Variants in CASR observed in about 807,000 individuals in gnomAD.
CASR encodes extracellular calcium-sensing receptor.
Under a neutral mutation model 69.1 loss-of-function variants are expected in CASR, and 23 were observed. The observed-to-expected ratio is 0.33, with a 90% confidence interval of 0.24 to 0.47. The LOEUF (loss-of-function observed/expected upper bound fraction) is 0.47, where lower values mean the gene tolerates loss of function less well. Among genes scored for constraint, CASR ranks in the 20% least tolerant of loss-of-function variants. The pLI is 1.00. For missense variants in CASR, 924 were observed against 1,356.1 expected (o/e 0.68, Z 5.00); for synonymous variants, 541 against 544.7 (o/e 0.99, Z 0.10).
At position 122,205,363 on chromosome 3, in the gene CASR, C is replaced by T. The variant is rs142813826; in HGVS notation, c.-243+21551C>T. ...TTTCCCCATTGTATGTTTGTGGCAC[C>T]TTTATCAAAGCTGACTTGGCTGTAA... On this transcript the variant is annotated intron_variant, in intron 1 of 6. Coordinates refer to ENST00000639785, the MANE Select transcript of CASR (RefSeq NM_000388.4). Among the ~76,000 whole-genome samples, 280 of 152,118 alleles carry T rather than the reference C, an allele frequency of 1.8e-3. 2 individuals carry two copies. The highest frequency in any genetic ancestry group is 2.6e-3 in the Non-Finnish European group (176 of 67,914).
In CASR at chr3:122,286,588, A is replaced by C. The variant is rs868607822; in HGVS notation, c.*1397A>C. The C allele has an allele frequency of 6.6e-6, 1 of 152,222 alleles. No homozygotes were observed. The highest frequency in any genetic ancestry group is 1.5e-5 in the Non-Finnish European group (1 of 68,030). 9.4% of individuals were successfully genotyped at this position (152,222 alleles called of 1,614,324 possible). A position where few individuals can be genotyped will look rare whatever the true frequency, so the allele number is the denominator to read the frequency against. On this transcript the variant is annotated 3_prime_UTR_variant, in exon 7 of 7. Coordinates refer to ENST00000639785, the MANE Select transcript of CASR (RefSeq NM_000388.4). ...TCAGATTGTACTGCCTAGCCCACTG[A>C]TCACAATCACTCTCTCTGTAATAAG...
At chr3:122,240,229 C>T (rs2074367564) in intron 1 of CASR, among the ~76,000 whole-genome samples, 1 of 152,108 alleles carries the variant, frequency 6.6e-6, no homozygotes, top group African/African-American at 2.4e-5. Context: ...GGAGAGAGTG[C>T]CATGACATGT....
intron 1 of CASR, among the ~76,000 whole-genome samples, chr3:122,210,594 A>G (rs4678120): frequency 6.6e-6 from 1 of 151,902 alleles, no homozygotes; most frequent in Admixed American, 6.5e-5. Context: ...AGAGAGGACA[A>G]AAACAAATAT....
intron 4 of CASR, among the ~76,000 whole-genome samples, chr3:122,270,004 G>C (rs6783855): frequency 0.18 from 27,049 of 151,942 alleles, 2,789 homozygotes; most frequent in African/African-American, 0.26. Context: ...ACCACCACCA[G>C]CTAATTTTTG....
intron 1 of CASR, among the ~76,000 whole-genome samples, chr3:122,186,631 C>G (rs1048549284): frequency 6.6e-6 from 1 of 152,250 alleles, no homozygotes; most frequent in African/African-American, 2.4e-5. Context: ...TAAATATTGA[C>G]TATATGTTAT....
At chr3:122,184,890 G>A (rs915421895) in intron 1 of CASR, among the ~76,000 whole-genome samples, 5 of 152,208 alleles carry the variant, frequency 3.3e-5, no homozygotes, top group Non-Finnish European at 7.3e-5. Flanking sequence ...CAAGGGGACA[G>A]GTAGCTTTTA....
Position 122,266,875 on chromosome 3 carries a change from G to A in CASR, c.1377+4463G>A, listed in dbSNP as rs966335691. Among the ~76,000 whole-genome samples the A allele has an allele frequency of 4.6e-5, 7 of 152,080 alleles. No individual in the cohort carries two copies. In the East Asian group the frequency reaches 7.7e-4, roughly 17 times the overall value. The stretch of plus-strand genomic sequence containing the variant: ...AAAAATTAGCCGGGTGTGGTGGCAG[G>A]CACCTGTAGTCCCAGCTGCTCAGGA... On this transcript the variant is annotated intron_variant, in intron 4 of 6. Transcript: ENST00000639785.
chr3:122,207,313 CT>C (rs1198416166), intron 1 of CASR, among the ~76,000 whole-genome samples: 2 of 152,012 alleles, frequency 1.3e-5, no homozygotes. Context: ...CACAACACAC[CT>C]AATAGGCCTA....
intron 3 of CASR, among the ~76,000 whole-genome samples, chr3:122,258,358 CTTTTTT>C (rs34570632): frequency 8.7e-6 from 1 of 115,224 alleles, no homozygotes; most frequent in Non-Finnish European, 1.8e-5. Flanking sequence ...GGGAGGGCTC[CTTTTTT>C]TTTTTTTTTT....
chr3:122,243,496 T>A (rs2074397916), intron 1 of CASR, among the ~76,000 whole-genome samples: 1 of 152,068 alleles, frequency 6.6e-6, no homozygotes, highest in Non-Finnish European at 1.5e-5. Flanking sequence ...CCAGTTAAAA[T>A]GGCTTTTATC....
rs984519481 is a variant in CASR, at chr3:122,290,179, C to T, written c.*4988C>T. On this transcript the variant is annotated 3_prime_UTR_variant, in exon 7 of 7. Transcript: ENST00000639785. ...GCTCCCTGCCTCTAAAATGTGGGCA[C>T]CTGGGTAACTAGATAGCGCAGGAAG... 3.3e-5 allele frequency: 5 copies of T among 151,652 alleles called. No homozygotes were observed. Among genetic ancestry groups the T allele is most frequent in the African/African-American group, 1.2e-4 (5 of 41,246 alleles). The allele number at this position is 151,652 out of a possible 1,614,324, so 9.4% of individuals were successfully genotyped here.
chr3:122,236,693 C>A (rs2074332145), intron 1 of CASR, among the ~76,000 whole-genome samples: 1 of 152,162 alleles, frequency 6.6e-6, no homozygotes, highest in Non-Finnish European at 1.5e-5. Context: ...CTTGAAATCT[C>A]CAGTGGGACG....
Position 122,221,283 on chromosome 3 carries a change from C to T in CASR, c.-242-32665C>T, listed in dbSNP as rs1014864513. Among the ~76,000 whole-genome samples the T allele has an allele frequency of 1.0e-3, 158 of 152,236 alleles. 1 individual carries two copies. The highest frequency in any genetic ancestry group is 2.5e-4 in the Non-Finnish European group (17 of 68,012). On this transcript the variant is annotated intron_variant, in intron 1 of 6. Coordinates refer to ENST00000639785, the MANE Select transcript of CASR (RefSeq NM_000388.4). ...AGATTACCATTCATTTTCTTTTCCCCTCACCCCCTTCCTTGGAGAACCATC... is the reference window on the plus strand; with the variant it reads ...AGATTACCATTCATTTTCTTTTCCCTTCACCCCCTTCCTTGGAGAACCATC...
intron 1 of CASR, among the ~76,000 whole-genome samples, chr3:122,232,208 G>A (rs4336054): frequency 0.9 from 137,252 of 152,188 alleles, 62,338 homozygotes; most frequent in Admixed American, 0.93. Flanking sequence ...GGCTTGAAGT[G>A]AAGCAGCCAT....
At chr3:122,187,298 C>G (rs550120919) in intron 1 of CASR, among the ~76,000 whole-genome samples, 1 of 152,260 alleles carries the variant, frequency 6.6e-6, no homozygotes, top group South Asian at 2.1e-4. Flanking sequence ...GCTGCATGAT[C>G]CTTTTCAAAG....
intron 1 of CASR, among the ~76,000 whole-genome samples, chr3:122,205,465 T>C (rs1452106582): frequency 6.6e-6 from 1 of 152,166 alleles, no homozygotes; most frequent in South Asian, 2.1e-4. Flanking sequence ...ATTATGCTGA[T>C]TTTGTTACTA....
intron 2 of CASR, among the ~76,000 whole-genome samples, chr3:122,255,788 T>A (rs2074548499): frequency 6.6e-6 from 1 of 152,116 alleles, no homozygotes; most frequent in African/African-American, 2.4e-5. Context: ...ACAGAAAACA[T>A]CACATTAAAA....
intron 4 of CASR, among the ~76,000 whole-genome samples, chr3:122,272,091 G>GTACACACACACACACACACACA (rs55688288): frequency 1.3e-5 from 2 of 148,820 alleles, no homozygotes; most frequent in Admixed American, 6.7e-5. Context: ...TCCTAGGAAT[G>GTACACACACACACACACACACA]CACACACACA....
intron 1 of CASR, among the ~76,000 whole-genome samples, chr3:122,198,723 T>A (rs146221040): frequency 0.014 from 2,074 of 152,156 alleles, 61 homozygotes; most frequent in African/African-American, 0.046. Context: ...TTTTGATTGT[T>A]CATTTTATAT....
Sources: allele counts gnomAD v4.1 joint callset (sites outside exome capture counted in the v4.1 genomes callset), GRCh38; gene constraint gnomAD v4.1.1; transcripts MANE v1.5; gene names NCBI Gene and HGNC (gene_info 2026-07-23, HGNC 2026-07-21).